Variants in LHCGR observed in about 807,000 individuals in gnomAD.
LHCGR encodes the protein lutropin-choriogonadotropic hormone receptor.
In LHCGR, 55 loss-of-function variants were observed where a neutral mutation model predicts 60.7. The observed-to-expected ratio is 0.91, with a 90% CI of 0.73 to 1.13. LHCGR has a LOEUF of 1.13. LHCGR is among the 50% of genes most tolerant of loss of function. LHCGR has a pLI of 0.00. For missense variants in LHCGR, 862 were observed against 836.0 expected (o/e 1.03, Z -0.38); for synonymous variants, 337 against 316.5 (o/e 1.06, Z -0.69).
At chr2:48,731,125 T>C in intron 2 of LHCGR, 102 bp downstream of exon 2, 1 of 773,510 alleles carries the variant, frequency 1.3e-6, no homozygotes, top group Middle Eastern at 3.1e-4. Flanking sequence ...CTAAACACAA[T>C]TTCTTTCCTA....
At position 48,688,137 on chromosome 2, in the gene LHCGR, G is replaced by A. The variant is rs121912524; in HGVS notation, c.1660C>T (p.Arg554Ter). 11 of 1,613,888 alleles carry A rather than the reference G, an allele frequency of 6.8e-6. No homozygotes were observed. Among genetic ancestry groups the A allele is most frequent in the Non-Finnish European group, 9.3e-6 (11 of 1,180,008 alleles). The stretch of plus-strand genomic sequence containing the variant: ...TTGGTAGCCATTAATTCTGGGTTTC[G>A]AACTGCAAAATAAATTTTAATGTAG... ...ACYIKIYFAV[R>*]NPELMATNKD... The change falls in exon 11 of 11, where the codon CGA becomes TGA. Residue 554 changes from arginine (R) to a stop codon, truncating the protein, a stop_gained. Transcript: ENST00000294954. LOFTEE classifies it high-confidence loss of function. The surrounding 1 kb of genome is among the most constrained non-coding windows in gnomAD (Gnocchi z 5.2).
chr2:48,714,319 T>A (rs940173057), intron 6 of LHCGR, among the ~76,000 whole-genome samples: 1 of 152,160 alleles, frequency 6.6e-6, no homozygotes, highest in Non-Finnish European at 1.5e-5. Context: ...AGTGTGGTTA[T>A]GTAGCTTGCT....
chr2:48,705,167 C>T (rs556039463), intron 8 of LHCGR, among the ~76,000 whole-genome samples: 2 of 152,132 alleles, frequency 1.3e-5, no homozygotes, highest in Non-Finnish European at 2.9e-5. Flanking sequence ...CATTCAGGAG[C>T]AGGTTGTTCA....
Position 48,708,945 on chromosome 2 carries a change from C to G in LHCGR, c.680+3G>C, listed in dbSNP as rs1172232249. The G allele has an allele frequency of 6.2e-7, 1 of 1,613,402 alleles. No individual in the cohort carries two copies. Among genetic ancestry groups the G allele is most frequent in the Non-Finnish European group, 8.5e-7 (1 of 1,179,498 alleles). Reference sequence around the variant, plus strand: ...GGAGGGGAGGCAGCACCATTCTACTCACAAGGTTTTCGGCCCTGTGGCCCC... The same window carrying G: ...GGAGGGGAGGCAGCACCATTCTACTGACAAGGTTTTCGGCCCTGTGGCCCC... On this transcript the variant is annotated splice_donor_region_variant and intron_variant, in intron 8 of 10. Transcript: ENST00000294954.
intron 1 of LHCGR, among the ~76,000 whole-genome samples, chr2:48,748,406 C>T (rs759993683): frequency 6.6e-6 from 1 of 152,004 alleles, no homozygotes. Context: ...GCAGACAGGA[C>T]CAAAAACAGC....
At chr2:48,710,645 C>T (rs1311377352) in intron 7 of LHCGR, among the ~76,000 whole-genome samples, 2 of 152,142 alleles carry the variant, frequency 1.3e-5, no homozygotes, top group Admixed American at 6.5e-5. Flanking sequence ...CCACAAGCTC[C>T]GCCAAAGTTT....
chr2:48,703,410 T>C lies in LHCGR; in HGVS notation c.681-4610A>G, dbSNP rs895216113. On this transcript the variant is annotated intron_variant, in intron 8 of 10. Coordinates refer to ENST00000294954, the MANE Select transcript of LHCGR (RefSeq NM_000233.4). ...TCTAGGTTTTTATGTTTTTAGGTCT[T>C]ACATTTAAGTCTTTAATCCATCTTG... 4.6e-5 allele frequency among the ~76,000 whole-genome samples: 7 copies of C among 152,306 alleles called. No individual in the cohort carries two copies. In the South Asian group the frequency reaches 8.3e-4, roughly 18 times the overall value.
At chr2:48,703,352 C>T (rs1302009950) in intron 8 of LHCGR, among the ~76,000 whole-genome samples, 4 of 152,274 alleles carry the variant, frequency 2.6e-5, no homozygotes, top group East Asian at 1.9e-4. Flanking sequence ...TTTGCCCATG[C>T]CTATGTCCTG....
intron 1 of LHCGR, among the ~76,000 whole-genome samples, chr2:48,749,185 T>C (rs1437724315): frequency 6.6e-6 from 1 of 152,186 alleles, no homozygotes; most frequent in African/African-American, 2.4e-5. Context: ...CAGGGCCACA[T>C]AGAGAGCAGC....
At chr2:48,709,062 C>T in intron 7 of LHCGR, 40 bp from the exon 8 acceptor site, 1 of 1,483,478 alleles carries the variant, frequency 6.7e-7, no homozygotes, top group South Asian at 1.1e-5. Flanking sequence ...GTTTGTACCT[C>T]ATGTGTAAGC....
intron 1 of LHCGR, among the ~76,000 whole-genome samples, chr2:48,738,971 A>G (rs551571997): frequency 6.6e-6 from 1 of 152,188 alleles, no homozygotes; most frequent in African/African-American, 2.4e-5. Context: ...AAATCAAACT[A>G]TTTGTACTTC....
chr2:48,743,570 T>C (rs892079212), intron 1 of LHCGR, among the ~76,000 whole-genome samples: 1 of 152,188 alleles, frequency 6.6e-6, no homozygotes, highest in Non-Finnish European at 1.5e-5. Context: ...ATCCAGCATA[T>C]AAACAGAACC....
intron 7 of LHCGR, among the ~76,000 whole-genome samples, chr2:48,710,694 C>G (rs1229653403): frequency 6.6e-6 from 1 of 152,176 alleles, no homozygotes; most frequent in Non-Finnish European, 1.5e-5. Context: ...TGGACTGACT[C>G]CTAGACCCCT....
At position 48,731,373 on chromosome 2, in the gene LHCGR, G is replaced by A. The variant is rs951044385; in HGVS notation, c.162-75C>T. On this transcript the variant is annotated intron_variant, in intron 1 of 10. Transcript: ENST00000294954. ...CCTTTTAAGTTCATGAATAAAATGG[G>A]TATGTGTATGTGTGTGAGAGACAGA... The A allele has an allele frequency of 7.1e-5, 67 of 943,110 alleles. No individual in the cohort carries two copies. In the South Asian group the frequency reaches 7.9e-4, roughly 11 times the overall value. The allele number at this position is 943,110 out of a possible 1,614,324, so 58.4% of individuals were successfully genotyped here. A position where few individuals can be genotyped will look rare whatever the true frequency, so the allele number is the denominator to read the frequency against.
intron 2 of LHCGR, among the ~76,000 whole-genome samples, chr2:48,729,766 G>A (rs1022626587): frequency 6.6e-6 from 1 of 152,098 alleles, no homozygotes; most frequent in Non-Finnish European, 1.5e-5. Context: ...CCTGCACATG[G>A]TATCCATCCT....
intron 9 of LHCGR, among the ~76,000 whole-genome samples, chr2:48,697,605 A>G (rs1339854568): frequency 1.3e-5 from 2 of 152,248 alleles, no homozygotes. Flanking sequence ...CAAATAATGC[A>G]TACTGGTTGA....
At chr2:48,748,801 A>G (rs1184453163) in intron 1 of LHCGR, among the ~76,000 whole-genome samples, 1 of 152,128 alleles carries the variant, frequency 6.6e-6, no homozygotes, top group Non-Finnish European at 1.5e-5. Flanking sequence ...AGGAATCATC[A>G]TGTCCCTTTT....
At chr2:48,747,452 C>T (rs1669759698) in intron 1 of LHCGR, among the ~76,000 whole-genome samples, 1 of 152,148 alleles carries the variant, frequency 6.6e-6, no homozygotes, top group South Asian at 2.1e-4. Context: ...TAACTTATCC[C>T]CTCTGGTAGC....
intron 7 of LHCGR, among the ~76,000 whole-genome samples, chr2:48,711,791 A>C (rs1228668320): frequency 1.3e-5 from 2 of 152,028 alleles, no homozygotes; most frequent in Non-Finnish European, 2.9e-5. Flanking sequence ...TATCCCCTCT[A>C]TTCAGATGAT....
Sources: gnomAD v4.1 joint callset for allele counts (sites outside exome capture counted in the v4.1 genomes callset) on GRCh38, gnomAD v4.1.1 for gene constraint, Gnocchi (gnomAD v3.1) non-coding constraint, MANE v1.5 for transcripts, NCBI Gene and HGNC (gene_info 2026-07-23, HGNC 2026-07-21) for gene names.